ANKS1B: variants seen among roughly 807,000 people sequenced by gnomAD.
ANKS1B encodes ankyrin repeat and sterile alpha motif domain-containing protein 1B.
Under a neutral mutation model 148.3 loss-of-function variants are expected in ANKS1B, and 36 were observed. That is an observed-to-expected ratio of 0.24 (90% CI 0.19 to 0.32). The LOEUF is 0.32. ANKS1B is among the 10% of genes least tolerant of loss of function. The pLI is 1.00. For synonymous variants in ANKS1B, 542 were observed against 560.8 expected (o/e 0.97, Z 0.47); for missense variants, 1,157 against 1,542.6 (o/e 0.75, Z 4.19).
rs140202943 is a variant in ANKS1B at position 98,839,790 on chromosome 12, T to A, written c.2779-7654A>T. Among the ~76,000 whole-genome samples, 859 of 152,278 alleles carry A rather than the reference T, an allele frequency of 5.6e-3. 9 individuals are homozygous for A. Among genetic ancestry groups the A allele is most frequent in the African/African-American group, 0.02 (834 of 41,566 alleles). ...TCATTAGAATCTCACAAGGATGAAA[T>A]CGAGATCCACCTAAAGCCTTGCTTG... is the stretch of plus-strand genomic sequence containing the variant. On this transcript the variant is annotated intron_variant, in intron 17 of 26. Transcript: ENST00000683438.
intron 12 of ANKS1B, among the ~76,000 whole-genome samples, chr12:99,338,316 C>T (rs1333359231): frequency 6.6e-6 from 1 of 152,148 alleles, no homozygotes; most frequent in Admixed American, 6.5e-5. Flanking sequence ...TGCCCCAGGC[C>T]CATGTTGTGT....
At chr12:99,619,480 A>C (rs1025361514) in intron 9 of ANKS1B, among the ~76,000 whole-genome samples, 4 of 151,856 alleles carry the variant, frequency 2.6e-5, no homozygotes, top group African/African-American at 9.7e-5. Flanking sequence ...ACCCAGGCAG[A>C]TCTCCAGGCA....
chr12:99,928,787 C>T (rs866650016), intron 1 of ANKS1B, among the ~76,000 whole-genome samples: 7 of 152,094 alleles, frequency 4.6e-5, no homozygotes, highest in Admixed American at 6.6e-5. Flanking sequence ...GGTATAAACC[C>T]TCTCAGGATC....
chr12:99,271,100 T>C (rs2035981834), intron 12 of ANKS1B, among the ~76,000 whole-genome samples: 1 of 152,210 alleles, frequency 6.6e-6, no homozygotes, highest in South Asian at 2.1e-4. Flanking sequence ...GGCATAACAT[T>C]CACTACTTCT....
chr12:99,644,388 C>T (rs535279590), intron 9 of ANKS1B, among the ~76,000 whole-genome samples: 1 of 152,268 alleles, frequency 6.6e-6, no homozygotes, highest in Non-Finnish European at 1.5e-5. Flanking sequence ...TCTTCTGAAC[C>T]CTCACAGTAG....
chr12:99,835,799 T>TATA (rs1219901522), intron 1 of ANKS1B, among the ~76,000 whole-genome samples: 43 of 152,288 alleles, frequency 2.8e-4, no homozygotes, highest in Non-Finnish European at 1.9e-4. Context: ...AGCTTTCTAG[T>TATA]ATAAGGAAGA....
chr12:99,960,399 C>A (rs1307113928), intron 1 of ANKS1B, among the ~76,000 whole-genome samples: 1 of 152,212 alleles, frequency 6.6e-6, no homozygotes, highest in Admixed American at 6.5e-5. Flanking sequence ...CAAATCATGT[C>A]TCTCTTAACC....
intron 10 of ANKS1B, among the ~76,000 whole-genome samples, chr12:99,444,561 G>T (rs1273400404): frequency 6.6e-6 from 1 of 151,732 alleles, no homozygotes; most frequent in African/African-American, 2.4e-5. Flanking sequence ...ATAACATCAA[G>T]GATGCCATTT....
intron 12 of ANKS1B, among the ~76,000 whole-genome samples, chr12:99,256,273 GA>G (rs1358377006): frequency 6.8e-6 from 1 of 147,746 alleles, no homozygotes; most frequent in African/African-American, 2.5e-5. Context: ...AAAAAAAAAA[GA>G]AAAAAGTCTA....
intron 14 of ANKS1B, among the ~76,000 whole-genome samples, chr12:99,239,690 G>A (rs1337930937): frequency 6.6e-6 from 1 of 152,170 alleles, no homozygotes; most frequent in Admixed American, 6.5e-5. Context: ...ACCCACAAAG[G>A]GAAGCCCATT....
chr12:99,059,907 A>C (rs1038021772), intron 16 of ANKS1B, among the ~76,000 whole-genome samples: 1 of 151,552 alleles, frequency 6.6e-6, no homozygotes, highest in African/African-American at 2.4e-5. Context: ...TCAAATTAGC[A>C]ATGATGAAAC....
rs1259058915 is a variant in ANKS1B at position 99,013,155 on chromosome 12, T to TAA, written c.2778+40000_2778+40001dup. Among the ~76,000 whole-genome samples the TAA allele has an allele frequency of 2.0e-5, 3 of 152,304 alleles. No homozygotes were observed. The East Asian group carries it at 5.8e-4, about 29-fold the overall frequency. On this transcript the variant is annotated intron_variant, in intron 17 of 26. Coordinates refer to ENST00000683438, the MANE Select transcript of ANKS1B (RefSeq NM_001352186.2). ...ATTAGCCTAACTCTAAGCCTAACAA[T>TAA]AACACAGTCATTAATCCTGGGTGCC...
intron 12 of ANKS1B, among the ~76,000 whole-genome samples, chr12:99,315,016 G>A (rs574369478): frequency 6.6e-5 from 10 of 151,766 alleles, no homozygotes; most frequent in East Asian, 5.8e-4. Flanking sequence ...AGGCTGAGGC[G>A]GGTGGATCAT....
Position 98,751,647 on chromosome 12 carries a change from C to A in ANKS1B, c.3580-125G>T, listed in dbSNP as rs555911932. 2.3e-6 allele frequency: 2 copies of A among 885,364 alleles called. No homozygotes were observed. The highest frequency in any genetic ancestry group is 4.4e-5 in the Admixed American group (2 of 45,400). 54.8% of individuals were successfully genotyped at this position (885,364 alleles called of 1,614,324 possible). A position where few individuals can be genotyped will look rare whatever the true frequency, so the allele number is the denominator to read the frequency against. On this transcript the variant is annotated intron_variant, in intron 25 of 26. Coordinates refer to ENST00000683438, the MANE Select transcript of ANKS1B (RefSeq NM_001352186.2). This position sits in a 1 kb window ranked among gnomAD's most constrained non-coding sequence, Gnocchi z 4.3. ...TGAACTACTTCACCAGAGGCAGCAG[C>A]GATTCGGTGGAAATCTACAAAGAAC...
At chr12:99,669,742 G>T (rs986673716) in intron 8 of ANKS1B, among the ~76,000 whole-genome samples, 1 of 152,038 alleles carries the variant, frequency 6.6e-6, no homozygotes, top group Non-Finnish European at 1.5e-5. Flanking sequence ...TTGTTTTCTG[G>T]ACCTCTTTTT....
intron 12 of ANKS1B, among the ~76,000 whole-genome samples, chr12:99,328,033 G>C (rs2086816909): frequency 6.6e-6 from 1 of 151,856 alleles, no homozygotes; most frequent in Non-Finnish European, 1.5e-5. Context: ...CATCATAAAG[G>C]TAAGGGCATC....
At chr12:99,858,612 A>G (rs1309655740) in intron 1 of ANKS1B, among the ~76,000 whole-genome samples, 1 of 152,208 alleles carries the variant, frequency 6.6e-6, no homozygotes, top group Non-Finnish European at 1.5e-5. Flanking sequence ...TTGCAAAAAT[A>G]TAGAATTAGC....
intron 9 of ANKS1B, among the ~76,000 whole-genome samples, chr12:99,527,362 A>G (rs997946132): frequency 6.6e-6 from 1 of 152,218 alleles, no homozygotes; most frequent in Admixed American, 6.5e-5. Context: ...AATAGGTATC[A>G]AAATTTTAAA....
intron 8 of ANKS1B, among the ~76,000 whole-genome samples, chr12:99,731,412 C>CTG (rs2059135047): frequency 3.0e-5 from 2 of 66,574 alleles, no homozygotes; most frequent in East Asian, 5.0e-4. Context: ...AACCACCGTG[C>CTG]CGTGTGTGTG....
Sources: allele counts gnomAD v4.1 joint callset (sites outside exome capture counted in the v4.1 genomes callset), GRCh38; gene constraint gnomAD v4.1.1; non-coding constraint Gnocchi (gnomAD v3.1); transcripts MANE v1.5; gene names NCBI Gene and HGNC (gene_info 2026-07-23, HGNC 2026-07-21).